Variants in PTK2 observed in about 807,000 individuals in gnomAD.
PTK2 encodes focal adhesion kinase 1.
In PTK2, 45 loss-of-function variants were observed where a neutral mutation model predicts 150.1. The ratio of observed to expected loss-of-function variants is 0.30; its 90% confidence interval spans 0.24 to 0.38. The LOEUF is 0.38. Ranked by LOEUF, PTK2 falls within the 10% of genes least tolerant of loss-of-function variation. The pLI, the probability that PTK2 is intolerant of heterozygous loss-of-function variation, is 1.00. For missense variants in PTK2, 919 were observed against 1,307.3 expected, an observed-to-expected ratio of 0.70 and a Z score of 4.58; for synonymous variants, 432 against 449.2, an observed-to-expected ratio of 0.96 and a Z score of 0.48.
At chr8:140,975,086 AT>A (rs1467125589) in intron 1 of PTK2, among the ~76,000 whole-genome samples, 3 of 152,190 alleles carry the variant, frequency 2.0e-5, no homozygotes, top group African/African-American at 7.2e-5. Flanking sequence ...GTACAACATA[AT>A]TAAAAGAACA....
intron 1 of PTK2, among the ~76,000 whole-genome samples, chr8:140,931,083 A>G (rs1268333897): frequency 3.3e-5 from 5 of 151,658 alleles, no homozygotes; most frequent in Middle Eastern, 3.4e-3. Flanking sequence ...AAAAAAAAAA[A>G]AAAAGAAAAA....
intron 7 of PTK2, among the ~76,000 whole-genome samples, chr8:140,834,092 G>T (rs143195219): frequency 1.1e-3 from 174 of 152,328 alleles, no homozygotes; most frequent in Middle Eastern, 6.8e-3. Flanking sequence ...ACCAAACTAG[G>T]TGGGGCAGTC....
chr8:140,679,003 GTTTTTTTTTTTTTTTTTTTTTTTT>G (rs533089786), intron 27 of PTK2, among the ~76,000 whole-genome samples: 35 of 69,006 alleles, frequency 5.1e-4, no homozygotes, highest in East Asian at 1.9e-3. Flanking sequence ...TGCTCCCCAT[GTTTTTTTTTTTTTTTTTTTTTTTT>G]TTTTTTTTTT....
chr8:140,831,843 A>T (rs13438888), intron 7 of PTK2, among the ~76,000 whole-genome samples: 98,712 of 152,000 alleles, frequency 0.65, 34,122 homozygotes, highest in African/African-American at 0.9. Context: ...GGGGGAAAAG[A>T]ATCCACACAA....
At chr8:140,969,807 C>T (rs11782004) in intron 1 of PTK2, among the ~76,000 whole-genome samples, 1 of 152,230 alleles carries the variant, frequency 6.6e-6, no homozygotes, top group Non-Finnish European at 1.5e-5. Flanking sequence ...GGTTGTTGTG[C>T]TAGACTGTTG....
intron 29 of PTK2, chr8:140,669,247 T>C (rs2094171753): frequency 6.7e-6 from 1 of 148,228 alleles, no homozygotes; most frequent in South Asian, 2.1e-4. Flanking sequence ...CTTTGGGAAA[T>C]CTTCAGCAGT....
chr8:140,791,319 G>A (rs1050884756), intron 13 of PTK2, among the ~76,000 whole-genome samples: 1 of 152,132 alleles, frequency 6.6e-6, no homozygotes, highest in African/African-American at 2.4e-5. Flanking sequence ...CAGAACCACA[G>A]GAACATGCCA....
chr8:140,796,021 T>C (rs1413784074), intron 12 of PTK2, among the ~76,000 whole-genome samples: 2 of 152,232 alleles, frequency 1.3e-5, no homozygotes, highest in Non-Finnish European at 2.9e-5. Context: ...TTGCCACATA[T>C]ACTTCTCTAC....
intron 1 of PTK2, among the ~76,000 whole-genome samples, chr8:140,949,791 G>T (rs1185513720): frequency 6.6e-6 from 1 of 152,130 alleles, no homozygotes; most frequent in African/African-American, 2.4e-5. Flanking sequence ...GATAGAAAGG[G>T]GCAGGTCCCC....
chr8:140,984,839 T>G (rs150605186), intron 1 of PTK2, among the ~76,000 whole-genome samples: 1 of 151,966 alleles, frequency 6.6e-6, no homozygotes, highest in Non-Finnish European at 1.5e-5. Flanking sequence ...TAATAGACAA[T>G]AAGGGAATGA....
At chr8:140,791,749 G>A (rs564771941) in intron 13 of PTK2, among the ~76,000 whole-genome samples, 1 of 152,280 alleles carries the variant, frequency 6.6e-6, no homozygotes, top group South Asian at 2.1e-4. Context: ...ACGAAAAGGG[G>A]GTTGGAAGAA....
chr8:140,886,651 A>C (rs913020853), intron 3 of PTK2, among the ~76,000 whole-genome samples: 1 of 152,172 alleles, frequency 6.6e-6, no homozygotes, highest in Non-Finnish European at 1.5e-5. Context: ...TGTTTTTTCA[A>C]AGAGAGCCCA....
intron 2 of PTK2, among the ~76,000 whole-genome samples, chr8:140,916,022 T>A (rs2100165124): frequency 6.6e-6 from 1 of 152,134 alleles, no homozygotes; most frequent in Non-Finnish European, 1.5e-5. Context: ...ATACTAATAA[T>A]GAGGACCAGA....
At chr8:140,701,656 T>C (rs2100030516) in intron 25 of PTK2, among the ~76,000 whole-genome samples, 1 of 152,212 alleles carries the variant, frequency 6.6e-6, no homozygotes, top group Non-Finnish European at 1.5e-5. Flanking sequence ...GAATGCTCTG[T>C]CTTCCTGTTT....
In PTK2 at chr8:140,770,806, A is replaced by G. The variant is rs756773609; in HGVS notation, c.1178-6516T>C. 1.5e-6 allele frequency: 2 copies of G among 1,293,796 alleles called. No individual in the cohort carries two copies. Among genetic ancestry groups the G allele is most frequent in the Admixed American group, 2.3e-5 (1 of 43,152 alleles). 80.1% of individuals were successfully genotyped at this position (1,293,796 alleles called of 1,614,324 possible). On this transcript the variant is annotated intron_variant, in intron 14 of 31. Transcript: ENST00000522684. ...TGTTGGCAGTGACTGACTCCTTTAT[A>G]AAGAGGCAAGAGGGGAAAGAGAAAA...
chr8:140,674,279 C>T lies in PTK2; in HGVS notation c.2709+19G>A. 5.0e-6 allele frequency: 8 copies of T among 1,585,100 alleles called. No individual in the cohort carries two copies. The highest frequency in any genetic ancestry group is 6.9e-6 in the Non-Finnish European group (8 of 1,161,488). Reference sequence around the variant, plus strand: ...CAAATCCTGCAAGCAGAAGGTGCTGCACAGGCTCAGATGCCCACCTTGACA... The same window carrying T: ...CAAATCCTGCAAGCAGAAGGTGCTGTACAGGCTCAGATGCCCACCTTGACA... On this transcript the variant is annotated intron_variant, in intron 29 of 31. Coordinates refer to ENST00000522684, the Ensembl canonical transcript of PTK2.
chr8:140,800,158 T>C (rs1477881427), intron 12 of PTK2, among the ~76,000 whole-genome samples: 1 of 152,152 alleles, frequency 6.6e-6, no homozygotes, highest in Non-Finnish European at 1.5e-5. Flanking sequence ...AACCCAAAAT[T>C]TTAAAAATAC....
chr8:140,810,031 A>C (rs193000016), intron 10 of PTK2, among the ~76,000 whole-genome samples: 2 of 152,244 alleles, frequency 1.3e-5, no homozygotes, highest in Non-Finnish European at 2.9e-5. Flanking sequence ...GAAGCTGGGA[A>C]CCCTGCAAGA....
chr8:140,718,472 A>G (rs1235160271), intron 22 of PTK2: 1 of 152,202 alleles, frequency 6.6e-6, no homozygotes, highest in African/African-American at 2.4e-5. Context: ...CATTCCACGC[A>G]GATGCCCCAG....
Sources: allele counts gnomAD v4.1 joint callset (sites outside exome capture counted in the v4.1 genomes callset), GRCh38; gene constraint gnomAD v4.1.1; transcripts MANE v1.5; gene names NCBI Gene and HGNC (gene_info 2026-07-23, HGNC 2026-07-21).